EXOC3: variants seen among roughly 807,000 people sequenced by gnomAD.
The protein encoded by EXOC3 is exocyst complex component 3.
Under a neutral mutation model 73.7 loss-of-function variants are expected in EXOC3, and 21 were observed. The ratio of observed to expected loss-of-function variants is 0.29; its 90% CI spans 0.20 to 0.41. The LOEUF is 0.41. Among genes scored for constraint, EXOC3 ranks in the 10% least tolerant of loss-of-function variants. EXOC3 has a pLI of 1.00. For synonymous variants in EXOC3, 410 were observed against 389.1 expected (o/e 1.05, Z -0.63); for missense variants, 842 against 985.1 (o/e 0.85, Z 1.95).
intron 12 of EXOC3, 76 bp from the exon 13 acceptor site, chr5:466,651 A>T: frequency 2.8e-6 from 4 of 1,446,812 alleles, no homozygotes; most frequent in Middle Eastern, 1.9e-4. Context: ...TGGGGTGGTG[A>T]AGCCGTGAGT....
rs150498613 is a variant in EXOC3, at chr5:467,057, G to A, written c.*159G>A. 5.4e-6 allele frequency: 4 copies of A among 737,458 alleles called. No individual in the cohort carries two copies. Among genetic ancestry groups the A allele is most frequent in the East Asian group, 5.4e-5 (2 of 36,832 alleles). The allele number at this position is 737,458 out of a possible 1,614,324, so 45.7% of individuals were successfully genotyped here. A position where few individuals can be genotyped will look rare whatever the true frequency, so the allele number is the denominator to read the frequency against. On this transcript the variant is annotated 3_prime_UTR_variant, in exon 13 of 13. Transcript: ENST00000512944. ...TGCACCGGGTGTGCGTCGAGTGAGC[G>A]TCCCGAGGCCACGTGCGGAGGCCCC...
chr5:461,938 A>AC, intron 7 of EXOC3, 22 bp from the exon 8 acceptor site: 1 of 1,544,564 alleles, frequency 6.5e-7, no homozygotes. Flanking sequence ...GTGCTGTCTG[A>AC]CCGAAGCCTG....
At chr5:464,548 T>G in intron 10 of EXOC3, 136 bp downstream of exon 10, 1 of 956,088 alleles carries the variant, frequency 1.0e-6, no homozygotes, top group East Asian at 2.7e-5. Context: ...AGGGAGGCAA[T>G]AGGCTCTGCG....
intron 4 of EXOC3, among the ~76,000 whole-genome samples, chr5:454,341 C>T (rs915675110): frequency 3.3e-5 from 5 of 152,326 alleles, no homozygotes; most frequent in East Asian, 1.9e-4. Flanking sequence ...CTGTGCTCAC[C>T]GTGTGCTGAC....
chr5:447,739 G>T lies in EXOC3; in HGVS notation c.351G>T (p.Lys117Asn). Residue 117 changes from lysine (K) to asparagine (N), a missense_variant, in exon 3 of 13, where the codon AAG becomes AAT. Coordinates refer to ENST00000512944, the MANE Select transcript of EXOC3 (RefSeq NM_007277.5). Reference protein sequence around the residue: ...SQLAAAVENLKNIFSVPEIVR... With the variant: ...SQLAAAVENLNNIFSVPEIVR... ...TCGCCGCAGCCGTGGAGAACCTCAA[G>T]AACATCTTCTCAGGTACCAGCCAGA... The T allele has an allele frequency of 6.4e-7, 1 of 1,566,094 alleles. No homozygotes were observed. The highest frequency in any genetic ancestry group is 1.2e-5 in the South Asian group (1 of 85,118).
Position 446,178 on chromosome 5 carries a change from G to T in EXOC3, c.-28G>T, listed in dbSNP as rs1737499427. The T allele has an allele frequency of 6.2e-7, 1 of 1,613,676 alleles. No individual in the cohort carries two copies. Among genetic ancestry groups the T allele is most frequent in the Non-Finnish European group, 8.5e-7 (1 of 1,179,764 alleles). On this transcript the variant is annotated 5_prime_UTR_variant, in exon 2 of 13. Coordinates refer to ENST00000512944, the MANE Select transcript of EXOC3 (RefSeq NM_007277.5). ...ACAGAGAACACCCCTAGCATGAACAGTGTGAGGATTCCACCAGCTTTTTCA... is the reference window on the plus strand; with the variant it reads ...ACAGAGAACACCCCTAGCATGAACATTGTGAGGATTCCACCAGCTTTTTCA...
chr5:451,885 T>C (rs1737668667), intron 3 of EXOC3, among the ~76,000 whole-genome samples: 1 of 152,276 alleles, frequency 6.6e-6, no homozygotes, highest in Non-Finnish European at 1.5e-5. Context: ...TCCCACTGCC[T>C]CTGGCCTCCA....
chr5:464,253 G>A, intron 9 of EXOC3, 37 bp from the exon 10 acceptor site: 1 of 1,603,970 alleles, frequency 6.2e-7, no homozygotes, highest in Non-Finnish European at 8.5e-7. Context: ...GTGGGACGTT[G>A]AGGTGATGAT....
chr5:451,465 A>G lies in EXOC3; in HGVS notation c.365-1905A>G, dbSNP rs188487801. Among the ~76,000 whole-genome samples, 907 of 152,342 alleles carry G rather than the reference A, an allele frequency of 6.0e-3. 7 individuals are homozygous for G. Among genetic ancestry groups the G allele is most frequent in the Middle Eastern group, 0.014 (4 of 292 alleles). Reference sequence around the variant, plus strand: ...AGAAAACAATGTGGAGTTAGAATCCAAAGTTACAGTATTAGTAGCTTTTAG... The same window carrying G: ...AGAAAACAATGTGGAGTTAGAATCCGAAGTTACAGTATTAGTAGCTTTTAG... On this transcript the variant is annotated intron_variant, in intron 3 of 12. Transcript: ENST00000512944.
chr5:458,741 G>T (rs1560938898), intron 6 of EXOC3, among the ~76,000 whole-genome samples: 3 of 152,190 alleles, frequency 2.0e-5, no homozygotes, highest in South Asian at 4.1e-4. Context: ...GCATTGCTGA[G>T]GGATGGAGCC....
At position 454,865 on chromosome 5, in the gene EXOC3, C is replaced by T. The variant is rs1737758243; in HGVS notation, c.1046+814C>T. 4.8e-5 allele frequency among the ~76,000 whole-genome samples: 6 copies of T among 125,220 alleles called. 1 individual carries two copies. The South Asian group carries it at 1.5e-3, about 31-fold the overall frequency. 82.1% of individuals were successfully genotyped at this position (125,220 alleles called of 152,430 possible). On this transcript the variant is annotated intron_variant, in intron 4 of 12. Coordinates refer to ENST00000512944, the MANE Select transcript of EXOC3 (RefSeq NM_007277.5). ...ACTGCAGTGGAGAAATTGAATAAAC[C>T]TCATTTTTTTTTTTTTTTTTTTTAG...
At chr5:463,417 G>T (rs1738045090) in intron 9 of EXOC3, among the ~76,000 whole-genome samples, 2 of 152,232 alleles carry the variant, frequency 1.3e-5, no homozygotes, top group Non-Finnish European at 2.9e-5. Flanking sequence ...CGTGAAACTA[G>T]ACGCCCGATC....
chr5:461,651 C>T (rs540848788), intron 7 of EXOC3: 9 of 336,254 alleles, frequency 2.7e-5, no homozygotes, highest in East Asian at 6.2e-5. Context: ...TAGGTTACCC[C>T]GACGGGTAGC....
Position 467,210 on chromosome 5 carries a change from C to T in EXOC3, c.*312C>T. 2.9e-6 allele frequency: 1 copy of T among 341,002 alleles called. No individual in the cohort carries two copies. 21.1% of individuals were successfully genotyped at this position (341,002 alleles called of 1,614,324 possible). On this transcript the variant is annotated 3_prime_UTR_variant, in exon 13 of 13. Coordinates refer to ENST00000512944, the MANE Select transcript of EXOC3 (RefSeq NM_007277.5). ...GTGCACCTCCCTGCCCTCCTCCTCCCTGGGCCTTCACCGCACCCCATCTGC... is the reference window on the plus strand; with the variant it reads ...GTGCACCTCCCTGCCCTCCTCCTCCTTGGGCCTTCACCGCACCCCATCTGC...
chr5:456,974 G>A lies in EXOC3; in HGVS notation c.1132G>A (p.Glu378Lys). The A allele has an allele frequency of 6.2e-7, 1 of 1,613,978 alleles. No homozygotes were observed. The highest frequency in any genetic ancestry group is 8.5e-7 in the Non-Finnish European group (1 of 1,179,832). ...EPLLSPHVVS[E>K]LLDTYMSTLT... ...ATTGCTTTCTCCACACGTGGTCTCT[G>A]AGCTGCTTGACACGTACATGTCCAC... The change falls in exon 5 of 13, where the codon GAG becomes AAG. Residue 378 changes from glutamate (E) to lysine (K), a missense_variant. Transcript: ENST00000512944.
intron 3 of EXOC3, among the ~76,000 whole-genome samples, chr5:451,128 T>C (rs182831381): frequency 2.8e-3 from 417 of 147,966 alleles, no homozygotes; most frequent in Non-Finnish European, 4.8e-3. Flanking sequence ...TTGTCTCTTA[T>C]TTCTGCATTT....
intron 3 of EXOC3, among the ~76,000 whole-genome samples, chr5:448,349 T>G (rs1737564791): frequency 6.6e-6 from 1 of 152,104 alleles, no homozygotes; most frequent in African/African-American, 2.4e-5. Context: ...GGGTGGTGGC[T>G]CCCAGCATTT....
chr5:446,166 C>T lies in EXOC3; in HGVS notation c.-40C>T, dbSNP rs1737499257. 1 of 1,613,196 alleles carries T rather than the reference C, an allele frequency of 6.2e-7. No homozygotes were observed. Among genetic ancestry groups the T allele is most frequent in the Admixed American group, 1.7e-5 (1 of 59,988 alleles). On this transcript the variant is annotated 5_prime_UTR_variant, in exon 2 of 13. Coordinates refer to ENST00000512944, the MANE Select transcript of EXOC3 (RefSeq NM_007277.5). The stretch of plus-strand genomic sequence containing the variant: ...CTCCTGCAGTGCACAGAGAACACCC[C>T]TAGCATGAACAGTGTGAGGATTCCA...
intron 7 of EXOC3, 163 bp downstream of exon 7, chr5:459,622 G>A (rs747483071): frequency 2.0e-5 from 10 of 503,474 alleles, no homozygotes; most frequent in Non-Finnish European, 3.2e-5. Context: ...AGGGAGCGGA[G>A]CTTCTGGATC....
Sources: allele counts gnomAD v4.1 joint callset (sites outside exome capture counted in the v4.1 genomes callset), GRCh38; gene constraint gnomAD v4.1.1; transcripts MANE v1.5; gene names NCBI Gene and HGNC (gene_info 2026-07-23, HGNC 2026-07-21).